The following DNAJC11 variants were observed in gnomAD, a reference collection of about 807,000 sequenced individuals.
The protein encoded by DNAJC11 is dnaJ homolog subfamily C member 11.
DNAJC11 carries 15 observed loss-of-function variants against 78.6 expected under a neutral mutation model. The ratio of observed to expected loss-of-function variants is 0.19; its 90% CI spans 0.13 to 0.29. DNAJC11 has a LOEUF of 0.29. Among genes scored for constraint, DNAJC11 ranks in the 10% least tolerant of loss-of-function variants. The pLI is 1.00. For synonymous variants in DNAJC11, 292 were observed against 272.1 expected (o/e 1.07, Z -0.72); for missense variants, 547 against 709.6 (o/e 0.77, Z 2.60).
intron 6 of DNAJC11, 131 bp from the exon 7 acceptor site, chr1:6,651,733 G>C (rs907196064): frequency 2.9e-6 from 2 of 689,698 alleles, no homozygotes; most frequent in Non-Finnish European, 5.0e-6. Flanking sequence ...CTAAAAGAAG[G>C]GGGTGGAAGA....
At position 6,634,884 on chromosome 1, in the gene DNAJC11, GC is replaced by G; in HGVS notation, c.*790del. 1 of 1,203,962 alleles carries G rather than the reference GC, an allele frequency of 8.3e-7. No individual in the cohort carries two copies. The highest frequency in any genetic ancestry group is 1.1e-6 in the Non-Finnish European group (1 of 941,930). 74.6% of individuals were successfully genotyped at this position (1,203,962 alleles called of 1,614,324 possible). Reference sequence around the variant, plus strand: ...GGTCCTGTCCTCTTGAGCTGCCCTTGCCCAGCACTGCACTCTGGAGGTGGGT... The same window carrying G: ...GGTCCTGTCCTCTTGAGCTGCCCTTGCCAGCACTGCACTCTGGAGGTGGGT... On this transcript the variant is annotated 3_prime_UTR_variant, in exon 16 of 16. Transcript: ENST00000377577.
chr1:6,663,065 C>A (rs555130472), intron 4 of DNAJC11, among the ~76,000 whole-genome samples: 3 of 152,258 alleles, frequency 2.0e-5, no homozygotes, highest in African/African-American at 7.2e-5. Context: ...GCCGATACAT[C>A]ATTTACATTT....
chr1:6,644,153 C>T (rs370608646), intron 10 of DNAJC11, among the ~76,000 whole-genome samples: 6 of 151,108 alleles, frequency 4.0e-5, no homozygotes, highest in African/African-American at 7.3e-5. Context: ...TTTTTTGAGA[C>T]GGAGTCTCAC....
intron 10 of DNAJC11, among the ~76,000 whole-genome samples, chr1:6,641,414 C>T (rs1391824309): frequency 3.4e-5 from 5 of 148,680 alleles, no homozygotes; most frequent in South Asian, 4.3e-4. Context: ...TATACACACA[C>T]ACACACACAC....
intron 1 of DNAJC11, among the ~76,000 whole-genome samples, chr1:6,698,374 G>A (rs548355715): frequency 2.0e-5 from 3 of 152,190 alleles, no homozygotes; most frequent in South Asian, 2.1e-4. Flanking sequence ...ACTAAATCAC[G>A]TTATTTCAAC....
chr1:6,652,976 G>T (rs1258642025), intron 5 of DNAJC11, 25 bp from the exon 6 acceptor site: 1 of 1,613,584 alleles, frequency 6.2e-7, no homozygotes, highest in South Asian at 1.1e-5. Flanking sequence ...TGCTGGTAAT[G>T]AATGAATCAA....
Position 6,653,028 on chromosome 1 carries a change from T to C in DNAJC11, c.508-77A>G, listed in dbSNP as rs1259265730. 1.9e-6 allele frequency: 3 copies of C among 1,583,586 alleles called. No individual in the cohort carries two copies. Among genetic ancestry groups the C allele is most frequent in the Admixed American group, 1.7e-5 (1 of 58,666 alleles). ...AATGGCAGCAGCCTAAAGAACGCAC[T>C]GTGAGCCCAAGGCCAAAGGTGCAGA... On this transcript the variant is annotated intron_variant, in intron 5 of 15. Coordinates refer to ENST00000377577, the MANE Select transcript of DNAJC11 (RefSeq NM_018198.4). This position sits in a 1 kb window ranked among gnomAD's most constrained non-coding sequence, Gnocchi z 4.5.
chr1:6,698,682 CTG>C (rs539487879), intron 1 of DNAJC11, among the ~76,000 whole-genome samples: 160 of 151,734 alleles, frequency 1.1e-3, no homozygotes, highest in African/African-American at 3.6e-3. Flanking sequence ...TGGCTCATGC[CTG>C]TAATCCCAGC....
chr1:6,676,635 G>A (rs992775111), intron 3 of DNAJC11, among the ~76,000 whole-genome samples: 6 of 152,000 alleles, frequency 3.9e-5, no homozygotes, highest in African/African-American at 1.4e-4. Flanking sequence ...AGCCATGATG[G>A]CACCAACACA....
At position 6,635,026 on chromosome 1, in the gene DNAJC11, A is replaced by T. The variant is rs1226985251; in HGVS notation, c.*649T>A. On this transcript the variant is annotated 3_prime_UTR_variant, in exon 16 of 16. Coordinates refer to ENST00000377577, the MANE Select transcript of DNAJC11 (RefSeq NM_018198.4). ...GCTAGGCCCTGGGATCGGGAGTTAC[A>T]CTACCCTGTCCCAAGCCGAGGGGGC... is the stretch of plus-strand genomic sequence containing the variant. 2.4e-6 allele frequency: 1 copy of T among 411,328 alleles called. No individual in the cohort carries two copies. Among genetic ancestry groups the T allele is most frequent in the Non-Finnish European group, 3.9e-6 (1 of 253,464 alleles). The allele number at this position is 411,328 out of a possible 1,614,324, so 25.5% of individuals were successfully genotyped here.
Position 6,683,512 on chromosome 1 carries a change from C to T in DNAJC11, c.73-2475G>A, listed in dbSNP as rs751381058. ...TTTAAGCCCCTTTCTGTTTCATCACCTGCAAACTGTGGACAATAGTGCTTC... is the reference window on the plus strand; with the variant it reads ...TTTAAGCCCCTTTCTGTTTCATCACTTGCAAACTGTGGACAATAGTGCTTC... On this transcript the variant is annotated intron_variant, in intron 1 of 15. Coordinates refer to ENST00000377577, the MANE Select transcript of DNAJC11 (RefSeq NM_018198.4). Among the ~76,000 whole-genome samples, 3 of 152,218 alleles carry T rather than the reference C, an allele frequency of 2.0e-5. No homozygotes were observed. In the East Asian group the frequency reaches 5.8e-4, roughly 29 times the overall value.
chr1:6,695,675 G>A (rs1056895271), intron 1 of DNAJC11, among the ~76,000 whole-genome samples: 3 of 144,364 alleles, frequency 2.1e-5, no homozygotes, highest in East Asian at 4.0e-4. Context: ...GGGTGTACTG[G>A]TGTGTGCCTG....
At chr1:6,688,550 C>G (rs1642694065) in intron 1 of DNAJC11, among the ~76,000 whole-genome samples, 2 of 152,034 alleles carry the variant, frequency 1.3e-5, no homozygotes. Context: ...TATTCCCCAC[C>G]CCCCAAAAAA....
chr1:6,662,275 C>T (rs780619879), intron 4 of DNAJC11, among the ~76,000 whole-genome samples: 21 of 151,952 alleles, frequency 1.4e-4, no homozygotes, highest in Admixed American at 3.9e-4. Flanking sequence ...CTCACTGCAA[C>T]CCCCGCCTCC....
In DNAJC11 at chr1:6,681,519, C is replaced by T. The variant is rs189719260; in HGVS notation, c.73-482G>A. On this transcript the variant is annotated intron_variant, in intron 1 of 15. Coordinates refer to ENST00000377577, the MANE Select transcript of DNAJC11 (RefSeq NM_018198.4). The stretch of plus-strand genomic sequence containing the variant: ...TGTAAGGCCCACGTGCACTCGAATG[C>T]AACCTCTAATTCCAGAAGGCAGCAC... Among the ~76,000 whole-genome samples the T allele has an allele frequency of 2.6e-5, 4 of 152,346 alleles. No individual in the cohort carries two copies. In the East Asian group the frequency reaches 7.7e-4, roughly 29 times the overall value.
At chr1:6,640,955 C>T (rs1351065484) in intron 10 of DNAJC11, among the ~76,000 whole-genome samples, 1 of 152,150 alleles carries the variant, frequency 6.6e-6, no homozygotes, top group Non-Finnish European at 1.5e-5. Flanking sequence ...ACAACAACAG[C>T]CTTATCTATG....
At chr1:6,636,567 C>A (rs1322085683) in intron 14 of DNAJC11, among the ~76,000 whole-genome samples, 2 of 152,198 alleles carry the variant, frequency 1.3e-5, no homozygotes, top group Non-Finnish European at 2.9e-5. Context: ...ACACATGTTA[C>A]AAGTGACCTC....
chr1:6,644,576 C>G lies in DNAJC11; in HGVS notation c.1079G>C (p.Gly360Ala), dbSNP rs17851110. 1 of 1,613,930 alleles carries G rather than the reference C, an allele frequency of 6.2e-7. No individual in the cohort carries two copies. Among genetic ancestry groups the G allele is most frequent in the Non-Finnish European group, 8.5e-7 (1 of 1,179,792 alleles). ...AACTTACTTGACTTTGAGAGAAACA[C>G]CCTGTGGAACTCCAACGCTGACAGC... is the stretch of plus-strand genomic sequence containing the variant. ...GAAVSVGVPQGVSLKVKLNRA... is the reference protein window; with the variant it reads ...GAAVSVGVPQAVSLKVKLNRA... Residue 360 changes from glycine (G) to alanine (A), a missense_variant, in exon 10 of 16, where the codon GGT becomes GCT. By Grantham distance (60) the Gly-to-Ala change is moderately conservative. Transcript: ENST00000377577.
chr1:6,655,717 G>A (rs1295931500), intron 4 of DNAJC11, among the ~76,000 whole-genome samples: 4 of 152,142 alleles, frequency 2.6e-5, no homozygotes, highest in Admixed American at 6.5e-5. Flanking sequence ...GCTGAGGCAG[G>A]AGAACTGCTT....
Sources: allele counts gnomAD v4.1 joint callset (sites outside exome capture counted in the v4.1 genomes callset), GRCh38; gene constraint gnomAD v4.1.1; non-coding constraint Gnocchi (gnomAD v3.1); transcripts MANE v1.5; gene names NCBI Gene and HGNC (gene_info 2026-07-23, HGNC 2026-07-21).